Variants in HS6ST3 observed in about 807,000 individuals in gnomAD.
The protein encoded by HS6ST3 is heparan-sulfate 6-O-sulfotransferase 3.
In HS6ST3, 12 loss-of-function variants were observed where a neutral mutation model predicts 36.7. That is an observed-to-expected ratio of 0.33 (90% CI 0.21 to 0.53). The LOEUF (loss-of-function observed/expected upper bound fraction) is 0.53. Among genes scored for constraint, HS6ST3 ranks in the 20% least tolerant of loss-of-function variants. HS6ST3 has a pLI of 0.95. For synonymous variants in HS6ST3, 240 were observed against 257.5 expected (o/e 0.93, Z 0.65); for missense variants, 584 against 640.9 (o/e 0.91, Z 0.96).
chr13:96,391,300 A>G (rs1160445244), intron 1 of HS6ST3, among the ~76,000 whole-genome samples: 1 of 152,104 alleles, frequency 6.6e-6, no homozygotes, highest in East Asian at 1.9e-4. Flanking sequence ...TGTGGAACCC[A>G]AATATAGTTG....
intron 1 of HS6ST3, among the ~76,000 whole-genome samples, chr13:96,158,464 A>G (rs1213359038): frequency 6.6e-6 from 1 of 151,978 alleles, no homozygotes; most frequent in Non-Finnish European, 1.5e-5. Context: ...GACCCTCGCC[A>G]ACATGGTGAA....
rs1469049685 is a variant in HS6ST3, at chr13:96,838,849, G to A, written c.*5651G>A. 1 of 152,212 alleles carries A rather than the reference G, an allele frequency of 6.6e-6. No homozygotes were observed. The highest frequency in any genetic ancestry group is 2.4e-5 in the African/African-American group (1 of 41,440). 9.4% of individuals were successfully genotyped at this position (152,212 alleles called of 1,614,324 possible). A position where few individuals can be genotyped will look rare whatever the true frequency, so the allele number is the denominator to read the frequency against. ...GGCAGAGGTGCAGAAATTTCCAGAG[G>A]ACTGGCCTAGCTATAAACACCAGCA... On this transcript the variant is annotated 3_prime_UTR_variant, in exon 2 of 2. Coordinates refer to ENST00000376705, the MANE Select transcript of HS6ST3 (RefSeq NM_153456.4).
intron 1 of HS6ST3, among the ~76,000 whole-genome samples, chr13:96,450,248 TATC>T (rs1291795181): frequency 6.6e-6 from 1 of 152,196 alleles, no homozygotes; most frequent in Non-Finnish European, 1.5e-5. Flanking sequence ...ATTGGCTTTT[TATC>T]AGTTTTATGA....
At chr13:96,404,918 G>A (rs1049210336) in intron 1 of HS6ST3, among the ~76,000 whole-genome samples, 7 of 152,158 alleles carry the variant, frequency 4.6e-5, no homozygotes, top group Admixed American at 1.3e-4. Flanking sequence ...TCTTTCCTGC[G>A]TTGTGCTGGT....
At chr13:96,598,079 A>C (rs1241950442) in intron 1 of HS6ST3, among the ~76,000 whole-genome samples, 2 of 151,932 alleles carry the variant, frequency 1.3e-5, no homozygotes, top group African/African-American at 2.4e-5. Context: ...CCATAACCTA[A>C]TACTGTAATT....
intron 1 of HS6ST3, among the ~76,000 whole-genome samples, chr13:96,399,537 A>G (rs925724470): frequency 3.3e-5 from 5 of 152,234 alleles, no homozygotes; most frequent in African/African-American, 1.2e-4. Context: ...ATTTATATAA[A>G]TATTCTTTAT....
chr13:96,830,037 C>A (rs1193262489), intron 1 of HS6ST3, among the ~76,000 whole-genome samples: 1 of 149,890 alleles, frequency 6.7e-6, no homozygotes, highest in Non-Finnish European at 1.5e-5. Context: ...ACTTTGAGTA[C>A]CCATACAACC....
chr13:96,639,586 A>AGGTT (rs1335658306), intron 1 of HS6ST3, among the ~76,000 whole-genome samples: 1 of 151,992 alleles, frequency 6.6e-6, no homozygotes, highest in African/African-American at 2.4e-5. Context: ...ATACGTGTGC[A>AGGTT]GGTTTGTTAT....
chr13:96,542,976 T>C lies in HS6ST3; in HGVS notation c.708-289514T>C, dbSNP rs1438860144. 2.6e-5 allele frequency among the ~76,000 whole-genome samples: 4 copies of C among 152,224 alleles called. No homozygotes were observed. In the East Asian group the frequency reaches 5.8e-4, roughly 22 times the overall value. ...CGAAAGGAGATTTATATTCTGGTGG[T>C]AGGAAAGACACAATTAAAAATAATC... On this transcript the variant is annotated intron_variant, in intron 1 of 1. Coordinates refer to ENST00000376705, the MANE Select transcript of HS6ST3 (RefSeq NM_153456.4).
At chr13:96,417,929 GTT>G (rs2055542915) in intron 1 of HS6ST3, among the ~76,000 whole-genome samples, 1 of 151,962 alleles carries the variant, frequency 6.6e-6, no homozygotes, top group Non-Finnish European at 1.5e-5. Flanking sequence ...TTTTATGTGT[GTT>G]TCTGTTGAAT....
At chr13:96,351,048 A>C (rs746755988) in intron 1 of HS6ST3, among the ~76,000 whole-genome samples, 1 of 152,154 alleles carries the variant, frequency 6.6e-6, no homozygotes, top group Non-Finnish European at 1.5e-5. Flanking sequence ...TTTCATTGAG[A>C]ACCATGTTTT....
chr13:96,487,816 G>C lies in HS6ST3; in HGVS notation c.708-344674G>C, dbSNP rs974726593. Among the ~76,000 whole-genome samples the C allele has an allele frequency of 2.0e-5, 3 of 152,054 alleles. No individual in the cohort carries two copies. The East Asian group carries it at 5.8e-4, about 29-fold the overall frequency. On this transcript the variant is annotated intron_variant, in intron 1 of 1. Coordinates refer to ENST00000376705, the MANE Select transcript of HS6ST3 (RefSeq NM_153456.4). Reference sequence around the variant, plus strand: ...ACATGAATTTGGATGTGACTTAAGGGTTCCTGCAACTGAATGTGGCACATT... The same window carrying C: ...ACATGAATTTGGATGTGACTTAAGGCTTCCTGCAACTGAATGTGGCACATT...
intron 1 of HS6ST3, among the ~76,000 whole-genome samples, chr13:96,363,040 G>T (rs1314721672): frequency 2.0e-5 from 3 of 152,046 alleles, no homozygotes; most frequent in South Asian, 4.1e-4. Context: ...GATTATAAAG[G>T]TTTAGCACAG....
At chr13:96,793,821 T>C (rs937891414) in intron 1 of HS6ST3, among the ~76,000 whole-genome samples, 1 of 151,978 alleles carries the variant, frequency 6.6e-6, no homozygotes, top group Admixed American at 6.6e-5. Context: ...AAAACAAAAA[T>C]GTATACAATC....
At chr13:96,637,913 C>A (rs745914157) in intron 1 of HS6ST3, among the ~76,000 whole-genome samples, 2 of 152,078 alleles carry the variant, frequency 1.3e-5, no homozygotes, top group Non-Finnish European at 2.9e-5. Context: ...AGACACTCCT[C>A]TGGTTTAGAA....
At chr13:96,826,734 C>T (rs892363887) in intron 1 of HS6ST3, among the ~76,000 whole-genome samples, 5 of 152,148 alleles carry the variant, frequency 3.3e-5, no homozygotes, top group African/African-American at 9.7e-5. Flanking sequence ...TTAACGTGAT[C>T]GCCTTACAGC....
chr13:96,189,430 A>G (rs2054279050), intron 1 of HS6ST3, among the ~76,000 whole-genome samples: 1 of 152,042 alleles, frequency 6.6e-6, no homozygotes, highest in Admixed American at 6.6e-5. Flanking sequence ...GGTAAAAATG[A>G]CATTCTCTTG....
At chr13:96,477,947 A>C (rs2055872015) in intron 1 of HS6ST3, among the ~76,000 whole-genome samples, 1 of 152,156 alleles carries the variant, frequency 6.6e-6, no homozygotes, top group African/African-American at 2.4e-5. Flanking sequence ...ATACACACAA[A>C]AAACCGAAAG....
At chr13:96,208,607 A>G (rs1360585471) in intron 1 of HS6ST3, among the ~76,000 whole-genome samples, 1 of 152,174 alleles carries the variant, frequency 6.6e-6, no homozygotes, top group East Asian at 1.9e-4. Context: ...TTAGAATTTG[A>G]GAATTAGTTA....
Sources: gnomAD v4.1 joint callset for allele counts (sites outside exome capture counted in the v4.1 genomes callset) on GRCh38, gnomAD v4.1.1 for gene constraint, MANE v1.5 for transcripts, NCBI Gene and HGNC (gene_info 2026-07-23, HGNC 2026-07-21) for gene names.